VASH2: variants seen among roughly 807,000 people sequenced by gnomAD.
The protein encoded by VASH2 is tubulinyl-Tyr carboxypeptidase 2.
VASH2 carries 28 observed loss-of-function variants against 37.2 expected under a neutral mutation model. The ratio of observed to expected loss-of-function variants is 0.75; its 90% CI spans 0.56 to 1.03. VASH2 has a LOEUF of 1.03. Ranked by LOEUF, VASH2 falls within the 50% of genes least tolerant of loss-of-function variation. The pLI, the probability that VASH2 is intolerant of heterozygous loss-of-function variation, is 0.00. For missense variants in VASH2, 419 were observed against 459.1 expected (o/e 0.91, Z 0.80); for synonymous variants, 188 against 174.7 (o/e 1.08, Z -0.60).
At position 212,971,649 on chromosome 1, in the gene VASH2, A is replaced by G. The variant is rs956696119; in HGVS notation, c.498-931A>G. 4.0e-4 allele frequency among the ~76,000 whole-genome samples: 61 copies of G among 152,196 alleles called. No homozygotes were observed. Among genetic ancestry groups the G allele is most frequent in the Non-Finnish European group, 8.5e-4 (58 of 68,028 alleles). ...GGTGATCTCACATGATAAAGTGAAG[A>G]GAAAGCAAGTACAAAACTGCTTTCT... On this transcript the variant is annotated intron_variant, in intron 5 of 7. Transcript: ENST00000517399. The surrounding 1 kb of genome is among the most constrained non-coding windows in gnomAD (Gnocchi z 4.0).
chr1:212,986,251 C>G (rs963275015), intron 7 of VASH2, among the ~76,000 whole-genome samples: 1 of 152,150 alleles, frequency 6.6e-6, no homozygotes, highest in Admixed American at 6.5e-5. Flanking sequence ...ATCCTGCAGG[C>G]AAATTGAATT....
At position 212,951,619 on chromosome 1, in the gene VASH2, A is replaced by G; in HGVS notation, c.77A>G (p.His26Arg). ...GAKGTRSRSSHARPVSLATSG... is the reference protein window; with the variant it reads ...GAKGTRSRSSRARPVSLATSG... The stretch of plus-strand genomic sequence containing the variant: ...AAAGGCACCCGGTCCCGGAGCAGCC[A>G]CGCGCGGCCCGTGAGCCTCGCCACC... Residue 26 changes from histidine to arginine, a missense_variant, in exon 2 of 8, where the codon CAC (histidine) becomes CGC (arginine). By Grantham distance (29) the His-to-Arg change is conservative. Coordinates refer to ENST00000517399, the MANE Select transcript of VASH2 (RefSeq NM_001301056.2). This position sits in a 1 kb window ranked among gnomAD's most constrained non-coding sequence, Gnocchi z 4.4. 1.3e-6 allele frequency: 2 copies of G among 1,562,936 alleles called. No individual in the cohort carries two copies.
At chr1:212,965,678 C>G (rs139413349) in intron 3 of VASH2, 44 bp from the exon 4 acceptor site, 4 of 1,495,476 alleles carry the variant, frequency 2.7e-6, no homozygotes, top group Admixed American at 2.0e-5. Flanking sequence ...ATTACTGGGA[C>G]CTTTGGAGTT....
chr1:212,965,168 A>C (rs1003437599), intron 3 of VASH2, among the ~76,000 whole-genome samples: 23 of 152,140 alleles, frequency 1.5e-4, no homozygotes, highest in African/African-American at 5.3e-4. Context: ...TGATCCACCC[A>C]CCTCAGCCTC....
chr1:212,979,591 T>A (rs114679151), intron 7 of VASH2, among the ~76,000 whole-genome samples: 1 of 152,194 alleles, frequency 6.6e-6, no homozygotes, highest in Non-Finnish European at 1.5e-5. Flanking sequence ...AGCCTTGAAT[T>A]CCTCTCCATT....
Position 212,972,981 on chromosome 1 carries a change from G to C in VASH2, c.879+20G>C, listed in dbSNP as rs766063360. On this transcript the variant is annotated intron_variant, in intron 6 of 7. Transcript: ENST00000517399. ...ATGAAGGTGGGTGCTGGGAAGACAA[G>C]GAAGCCATGCAGGAGAGCTCTTTTC... 6.2e-7 allele frequency: 1 copy of C among 1,603,084 alleles called. No homozygotes were observed. The highest frequency in any genetic ancestry group is 1.1e-5 in the South Asian group (1 of 90,670).
intron 7 of VASH2, among the ~76,000 whole-genome samples, chr1:212,976,910 C>T (rs1438151273): frequency 4.6e-5 from 7 of 152,148 alleles, no homozygotes; most frequent in African/African-American, 1.4e-4. Context: ...GCGCATGTCC[C>T]GGAGTCGACC....
chr1:212,965,854 A>G (rs571009125), intron 4 of VASH2, 76 bp downstream of exon 4: 3 of 1,395,566 alleles, frequency 2.1e-6, no homozygotes, highest in Admixed American at 2.0e-5. Flanking sequence ...CCCAACCTCT[A>G]TTCCCGTAGC....
At chr1:212,986,906 G>A (rs186145664) in intron 7 of VASH2, among the ~76,000 whole-genome samples, 151 of 152,334 alleles carry the variant, frequency 9.9e-4, no homozygotes, top group African/African-American at 2.5e-3. Flanking sequence ...TAAGGCCCAT[G>A]CAACAGATAA....
chr1:212,953,351 C>T (rs924185828), intron 2 of VASH2, among the ~76,000 whole-genome samples: 28 of 152,168 alleles, frequency 1.8e-4, no homozygotes, highest in African/African-American at 6.5e-4. Context: ...GGGGAGCTTG[C>T]TGCTTCCCAG....
Position 212,972,612 on chromosome 1 carries a change from G to A in VASH2, c.530G>A (p.Arg177Gln), listed in dbSNP as rs772304910. 7.4e-6 allele frequency: 12 copies of A among 1,613,952 alleles called. No homozygotes were observed. Among genetic ancestry groups the A allele is most frequent in the East Asian group, 2.2e-5 (1 of 44,894 alleles). Residue 177 changes from arginine to glutamine, a missense_variant, in exon 6 of 8, where the codon CGG becomes CAG. Physicochemically the swap from Arg to Gln is conservative, Grantham distance 43. Around this residue, in one of 3 missense-constraint regions of VASH2, gnomAD observed 84 missense variants for 129.9 expected, o/e 0.65. Transcript: ENST00000517399. Reference sequence around the variant, plus strand: ...ACCAATGGGCAGCCTTCCATTGAGCGGTTCCCCATCAGCTTTAAAACCTAC... The same window carrying A: ...ACCAATGGGCAGCCTTCCATTGAGCAGTTCCCCATCAGCTTTAAAACCTAC... Reference protein sequence around the residue: ...YLTNGQPSIERFPISFKTYFS... With the variant: ...YLTNGQPSIEQFPISFKTYFS...
chr1:212,975,541 C>T (rs114786775), intron 7 of VASH2, among the ~76,000 whole-genome samples: 3,231 of 152,346 alleles, frequency 0.021, 61 homozygotes, highest in Middle Eastern at 0.054. Context: ...GCCCTTGACC[C>T]TGGACCCTAA....
chr1:212,958,903 T>TC (rs1333346517), intron 2 of VASH2, among the ~76,000 whole-genome samples: 1 of 149,608 alleles, frequency 6.7e-6, no homozygotes, highest in Non-Finnish European at 1.5e-5. Flanking sequence ...CTTTCTTTCT[T>TC]TTTTTTTTAG....
At chr1:212,961,307 A>G in intron 3 of VASH2, 53 bp downstream of exon 3, 4 of 1,612,314 alleles carry the variant, frequency 2.5e-6, no homozygotes, top group African/African-American at 1.3e-5. Flanking sequence ...AGGCATGGTG[A>G]TCGCAAGCCT....
chr1:212,961,111 C>T, intron 2 of VASH2, 55 bp from the exon 3 acceptor site: 1 of 1,566,918 alleles, frequency 6.4e-7, no homozygotes, highest in Non-Finnish European at 8.8e-7. Context: ...CCCCCAGAAG[C>T]TGGGCCCCAG....
At position 212,951,368 on chromosome 1, in the gene VASH2, G is replaced by A. The variant is rs868174841; in HGVS notation, c.-175G>A. 12 of 200,154 alleles carry A rather than the reference G, an allele frequency of 6.0e-5. No homozygotes were observed. Among genetic ancestry groups the A allele is most frequent in the Middle Eastern group, 2.6e-3 (1 of 382 alleles). The allele number at this position is 200,154 out of a possible 1,614,324, so 12.4% of individuals were successfully genotyped here. On this transcript the variant is annotated 5_prime_UTR_variant, in exon 2 of 8. Transcript: ENST00000517399. The surrounding 1 kb of genome is among the most constrained non-coding windows in gnomAD (Gnocchi z 4.4). ...CGCCGGTAAGCAGGGAGCCTCCGCG[G>A]AGCTCCCGCCGCCGCTCCCCCTTGG...
intron 5 of VASH2, chr1:212,967,055 A>T: frequency 7.8e-7 from 1 of 1,290,088 alleles, no homozygotes. Flanking sequence ...CGCCAGGGAA[A>T]ATTCTAAGAG....
chr1:212,961,019 T>C (rs1364596262), intron 2 of VASH2, 147 bp from the exon 3 acceptor site: 21 of 704,136 alleles, frequency 3.0e-5, no homozygotes, highest in South Asian at 1.8e-4. Flanking sequence ...CACTGCTCAA[T>C]CAGGTAACCA....
chr1:212,986,803 T>C (rs6688043), intron 7 of VASH2, among the ~76,000 whole-genome samples: 7,025 of 152,142 alleles, frequency 0.046, 274 homozygotes, highest in African/African-American at 0.11. Flanking sequence ...ATTAGCATCA[T>C]GTGTATGACC....
Sources: gnomAD v4.1 joint callset for allele counts (sites outside exome capture counted in the v4.1 genomes callset) on GRCh38, gnomAD v4.1.1 for gene constraint, gnomAD v4.1.1 regional missense constraint, Gnocchi (gnomAD v3.1) non-coding constraint, MANE v1.5 for transcripts, NCBI Gene and HGNC (gene_info 2026-07-23, HGNC 2026-07-21) for gene names.